The following TMTC2 variants were observed in gnomAD, a reference collection of about 807,000 sequenced individuals.
The protein encoded by TMTC2 is transmembrane O-mannosyltransferase targeting cadherins 2, also known as protein O-mannosyl-transferase TMTC2.
A neutral mutation model predicts 82.4 loss-of-function variants in TMTC2; 43 were observed. The observed-to-expected ratio is 0.52, with a 90% CI of 0.41 to 0.67. TMTC2 has a LOEUF of 0.67. Among genes scored for constraint, TMTC2 ranks in the 30% least tolerant of loss-of-function variants. TMTC2 has a pLI of 0.00. For missense variants in TMTC2, 919 were observed against 1,012.4 expected (o/e 0.91, Z 1.25); for synonymous variants, 408 against 381.9 (o/e 1.07, Z -0.80).
At chr12:82,703,154 A>T (rs1873161389) in intron 1 of TMTC2, among the ~76,000 whole-genome samples, 1 of 152,202 alleles carries the variant, frequency 6.6e-6, no homozygotes, top group Non-Finnish European at 1.5e-5. Context: ...GTGAGCAATG[A>T]TCATACCACT....
At chr12:82,868,307 G>A (rs1871972892) in intron 2 of TMTC2, among the ~76,000 whole-genome samples, 1 of 152,124 alleles carries the variant, frequency 6.6e-6, no homozygotes, top group African/African-American at 2.4e-5. Flanking sequence ...CTGTCAATCA[G>A]CAAAGAATGG....
At chr12:82,898,207 T>C (rs1873779793) in intron 3 of TMTC2, among the ~76,000 whole-genome samples, 1 of 152,200 alleles carries the variant, frequency 6.6e-6, no homozygotes, top group South Asian at 2.1e-4. Context: ...CATGTGACTT[T>C]TCCTAGGTGG....
chr12:82,826,212 C>T (rs1869411044), intron 1 of TMTC2, among the ~76,000 whole-genome samples: 1 of 152,140 alleles, frequency 6.6e-6, no homozygotes, highest in East Asian at 1.9e-4. Flanking sequence ...GCTTTGACAA[C>T]AGTATGTATA....
At chr12:82,743,157 A>T (rs1002670363) in intron 1 of TMTC2, among the ~76,000 whole-genome samples, 1 of 152,174 alleles carries the variant, frequency 6.6e-6, no homozygotes, top group Admixed American at 6.5e-5. Flanking sequence ...GAAAAAGCAG[A>T]TGTAGCTGGG....
At chr12:82,872,893 C>A (rs557526701) in intron 2 of TMTC2, among the ~76,000 whole-genome samples, 13 of 152,086 alleles carry the variant, frequency 8.5e-5, no homozygotes, top group Non-Finnish European at 1.8e-4. Flanking sequence ...AGTGCATAAA[C>A]CCTGCATTAA....
At chr12:83,106,157 A>G (rs377325368) in intron 11 of TMTC2, among the ~76,000 whole-genome samples, 1 of 152,286 alleles carries the variant, frequency 6.6e-6, no homozygotes, top group African/African-American at 2.4e-5. Flanking sequence ...AAGAGAAGTT[A>G]AGGAAACAAT....
chr12:82,866,057 C>T (rs1409522789), intron 2 of TMTC2, among the ~76,000 whole-genome samples: 6 of 151,956 alleles, frequency 3.9e-5, no homozygotes, highest in Non-Finnish European at 5.9e-5. Context: ...CAAGAGAAAG[C>T]AGGAAAGATC....
chr12:83,006,128 A>G (rs1375347952), intron 8 of TMTC2, among the ~76,000 whole-genome samples: 1 of 152,108 alleles, frequency 6.6e-6, no homozygotes, highest in Non-Finnish European at 1.5e-5. Context: ...GGGTTTCTCT[A>G]CAGGTTCCTC....
chr12:83,023,640 A>G (rs1391297434), intron 8 of TMTC2, among the ~76,000 whole-genome samples: 5 of 152,220 alleles, frequency 3.3e-5, no homozygotes, highest in African/African-American at 9.6e-5. Context: ...AGCTTTGCTC[A>G]GGATGACAGT....
chr12:83,112,928 C>A (rs376312729), intron 11 of TMTC2, among the ~76,000 whole-genome samples: 14 of 152,018 alleles, frequency 9.2e-5, no homozygotes, highest in African/African-American at 3.4e-4. Context: ...CATTATGATC[C>A]CCCAACTTGG....
At chr12:82,825,267 AC>A (rs1405662381) in intron 1 of TMTC2, among the ~76,000 whole-genome samples, 3 of 152,186 alleles carry the variant, frequency 2.0e-5, no homozygotes, top group African/African-American at 7.2e-5. Flanking sequence ...AACTATGGGT[AC>A]CACTGGAAAT....
intron 8 of TMTC2, among the ~76,000 whole-genome samples, chr12:83,017,525 CCCT>C (rs1880728084): frequency 6.6e-6 from 1 of 152,110 alleles, no homozygotes; most frequent in South Asian, 2.1e-4. Context: ...GTTAATTTAT[CCCT>C]CCTCTGTTTA....
chr12:83,054,868 G>A (rs1882482976), intron 10 of TMTC2, among the ~76,000 whole-genome samples: 1 of 152,090 alleles, frequency 6.6e-6, no homozygotes, highest in South Asian at 2.1e-4. Flanking sequence ...AAAATGGTTT[G>A]TTTCTAAGCT....
chr12:82,730,136 A>G (rs1019917766), intron 1 of TMTC2, among the ~76,000 whole-genome samples: 1 of 152,054 alleles, frequency 6.6e-6, no homozygotes, highest in Non-Finnish European at 1.5e-5. Context: ...AGTGAGACCA[A>G]GAACCTACCA....
chr12:82,775,582 G>A (rs907276553), intron 1 of TMTC2, among the ~76,000 whole-genome samples: 2 of 152,056 alleles, frequency 1.3e-5, no homozygotes, highest in African/African-American at 4.8e-5. Context: ...AGTAATTAGA[G>A]CTGATTTTAG....
chr12:82,783,336 T>C (rs958457802), intron 1 of TMTC2, among the ~76,000 whole-genome samples: 4 of 57,872 alleles, frequency 6.9e-5, no homozygotes, highest in Admixed American at 4.3e-4. Context: ...GAGAGAGGGG[T>C]GGGGGTGGCA....
intron 1 of TMTC2, among the ~76,000 whole-genome samples, chr12:82,783,589 C>T (rs1312583727): frequency 6.6e-6 from 1 of 152,030 alleles, no homozygotes; most frequent in Non-Finnish European, 1.5e-5. Flanking sequence ...GGAGGATTTA[C>T]ATTTATGATT....
rs1414739158 is a variant in TMTC2, at chr12:82,735,972, C to T, written c.83+48303C>T. ...CAGGTGACAGTGCGAGACTCCGTCACACACACACACACACACACACACACA... is the reference window on the plus strand; with the variant it reads ...CAGGTGACAGTGCGAGACTCCGTCATACACACACACACACACACACACACA... On this transcript the variant is annotated intron_variant, in intron 1 of 11. Transcript: ENST00000321196. Among the ~76,000 whole-genome samples, 3 of 710 alleles carry T rather than the reference C, an allele frequency of 4.2e-3. No homozygotes were observed. The Non-Finnish European group carries it at 0.17, about 39-fold the overall frequency. The allele number at this position is 710 out of a possible 152,430, so 0.5% of individuals were successfully genotyped here. A position where few individuals can be genotyped will look rare whatever the true frequency, so the allele number is the denominator to read the frequency against.
chr12:83,057,235 C>G (rs754674857), intron 10 of TMTC2, among the ~76,000 whole-genome samples: 1 of 151,840 alleles, frequency 6.6e-6, no homozygotes. Flanking sequence ...AGTTTGAGGC[C>G]GTGAAAGAAT....
Sources: gnomAD v4.1 joint callset for allele counts (sites outside exome capture counted in the v4.1 genomes callset) on GRCh38, gnomAD v4.1.1 for gene constraint, MANE v1.5 for transcripts, NCBI Gene and HGNC (gene_info 2026-07-23, HGNC 2026-07-21) for gene names.